The following SOX5 variants were observed in gnomAD, a reference collection of about 807,000 sequenced individuals.
The protein encoded by SOX5 is transcription factor SOX-5.
Under a neutral mutation model 92.0 loss-of-function variants are expected in SOX5, and 9 were observed. The observed-to-expected ratio is 0.10, with a 90% CI of 0.06 to 0.17. The LOEUF is 0.17. Ranked by LOEUF, SOX5 falls within the 10% of genes least tolerant of loss-of-function variation. SOX5 has a pLI of 1.00. For synonymous variants in SOX5, 344 were observed against 336.3 expected, an observed-to-expected ratio of 1.02 and a Z score of -0.25; for missense variants, 642 against 944.5, an observed-to-expected ratio of 0.68 and a Z score of 4.20.
At chr12:23,929,104 T>C in intron 1 of SOX5, among the ~76,000 whole-genome samples, 1 of 151,836 alleles carries the variant, frequency 6.6e-6, no homozygotes, top group East Asian at 1.9e-4. Flanking sequence ...CAAACATATG[T>C]ATAAATTAAA....
chr12:24,292,406 A>T (rs1412691278), intron 2 of SOX5, among the ~76,000 whole-genome samples: 1 of 152,238 alleles, frequency 6.6e-6, no homozygotes, highest in Non-Finnish European at 1.5e-5. Context: ...TTCAATATTT[A>T]AAAAATATCT....
intron 4 of SOX5, among the ~76,000 whole-genome samples, chr12:24,107,107 G>T (rs1237287730): frequency 1.3e-5 from 2 of 152,052 alleles, no homozygotes; most frequent in Non-Finnish European, 2.9e-5. Context: ...GCCTAAATCT[G>T]TTACTACTGG....
chr12:23,851,064 A>G (rs2096628314), intron 2 of SOX5, among the ~76,000 whole-genome samples: 2 of 152,088 alleles, frequency 1.3e-5, no homozygotes, highest in Non-Finnish European at 2.9e-5. Flanking sequence ...GTTATTTTAA[A>G]AAACCAGTTG....
chr12:23,533,607 TCCCTCTTTC>T lies in SOX5; in HGVS notation c.*603_*611del, dbSNP rs1245526314. 2 of 153,840 alleles carry T rather than the reference TCCCTCTTTC, an allele frequency of 1.3e-5. No individual in the cohort carries two copies. Among genetic ancestry groups the T allele is most frequent in the African/African-American group, 4.8e-5 (2 of 41,416 alleles). 9.5% of individuals were successfully genotyped at this position (153,840 alleles called of 1,614,324 possible). On this transcript the variant is annotated 3_prime_UTR_variant, in exon 15 of 15. Coordinates refer to ENST00000451604, the MANE Select transcript of SOX5 (RefSeq NM_006940.6). ...AAGGAAGTTAAAAACAGGCTCTTTT[TCCCTCTTTC>T]CCCTCATGCACAGACTTCCATCTTT... is the stretch of plus-strand genomic sequence containing the variant.
At chr12:24,284,421 GT>G (rs139338983) in intron 2 of SOX5, among the ~76,000 whole-genome samples, 2,681 of 123,858 alleles carry the variant, frequency 0.022, 75 homozygotes, top group African/African-American at 0.07. Context: ...GGAGGCACAC[GT>G]TTTTTTTCTT....
At chr12:23,964,231 T>C (rs976664092) in intron 4 of SOX5, among the ~76,000 whole-genome samples, 2 of 152,306 alleles carry the variant, frequency 1.3e-5, no homozygotes, top group Admixed American at 1.3e-4. Flanking sequence ...ATTTATAATA[T>C]GTTCCATAAA....
intron 4 of SOX5, among the ~76,000 whole-genome samples, chr12:24,010,303 T>C (rs1952767224): frequency 6.6e-6 from 1 of 152,154 alleles, no homozygotes; most frequent in Non-Finnish European, 1.5e-5. Flanking sequence ...CCAAGGTGCA[T>C]CTCTAGGATT....
intron 5 of SOX5, among the ~76,000 whole-genome samples, chr12:23,735,564 G>A (rs1369477623): frequency 6.6e-6 from 1 of 151,980 alleles, no homozygotes; most frequent in East Asian, 1.9e-4. Flanking sequence ...TTTAGACTTT[G>A]TTCTTTTCCT....
intron 2 of SOX5, among the ~76,000 whole-genome samples, chr12:24,316,192 C>T (rs993561505): frequency 6.6e-6 from 1 of 152,100 alleles, no homozygotes; most frequent in Non-Finnish European, 1.5e-5. Context: ...TTTCAAGTGG[C>T]TGGTTTAATC....
intron 3 of SOX5, among the ~76,000 whole-genome samples, chr12:24,216,620 G>T (rs1314518131): frequency 2.6e-5 from 4 of 152,032 alleles, no homozygotes; most frequent in Non-Finnish European, 5.9e-5. Context: ...TAAATACCTT[G>T]AATAAAAACT....
chr12:24,100,909 G>T (rs532920432), intron 4 of SOX5, among the ~76,000 whole-genome samples: 3 of 152,202 alleles, frequency 2.0e-5, no homozygotes, highest in Admixed American at 1.3e-4. Flanking sequence ...AGCAAGTCAT[G>T]TCGGTTTTAC....
intron 4 of SOX5, among the ~76,000 whole-genome samples, chr12:23,976,390 TAAAAAAACAAAAAAACAAAA>T (rs1391564180): frequency 2.7e-5 from 3 of 111,576 alleles, no homozygotes; most frequent in Non-Finnish European, 5.1e-5. Flanking sequence ...TGAACACTAT[TAAAAAAACAAAAAAACAAAA>T]AAAAAAAAAA....
intron 1 of SOX5, among the ~76,000 whole-genome samples, chr12:24,549,914 C>A (rs1358253253): frequency 2.0e-5 from 3 of 152,022 alleles, no homozygotes; most frequent in Non-Finnish European, 4.4e-5. Context: ...GGGGAACTTG[C>A]AATGATTCAG....
chr12:23,735,331 G>A (rs547881210), intron 5 of SOX5, among the ~76,000 whole-genome samples: 2 of 152,072 alleles, frequency 1.3e-5, no homozygotes, highest in African/African-American at 2.4e-5. Context: ...CCAATCACAT[G>A]CATTATTTTA....
chr12:23,915,314 G>A (rs1471599092), intron 1 of SOX5, among the ~76,000 whole-genome samples: 2 of 151,970 alleles, frequency 1.3e-5, no homozygotes, highest in African/African-American at 2.4e-5. Flanking sequence ...TTAAGGTTAG[G>A]ATACGACACA....
intron 6 of SOX5, among the ~76,000 whole-genome samples, chr12:23,666,240 TTGCC>T (rs773282331): frequency 6.6e-6 from 1 of 152,156 alleles, no homozygotes; most frequent in Non-Finnish European, 1.5e-5. Flanking sequence ...TACAACATTT[TTGCC>T]TGCATCTATC....
intron 2 of SOX5, among the ~76,000 whole-genome samples, chr12:24,345,792 C>T (rs966124761): frequency 6.6e-6 from 1 of 152,174 alleles, no homozygotes; most frequent in African/African-American, 2.4e-5. Context: ...AACTGTGAAG[C>T]TTATCCGTAC....
chr12:23,614,738 T>C (rs1724869480), intron 8 of SOX5, among the ~76,000 whole-genome samples: 1 of 152,240 alleles, frequency 6.6e-6, no homozygotes, highest in Non-Finnish European at 1.5e-5. Flanking sequence ...TGTCAGACTT[T>C]TCTGAAGTGG....
At chr12:23,589,009 T>C (rs1951145622) in intron 9 of SOX5, among the ~76,000 whole-genome samples, 1 of 151,928 alleles carries the variant, frequency 6.6e-6, no homozygotes, top group Non-Finnish European at 1.5e-5. Context: ...GCCTATACTA[T>C]CTAGGTTTGT....
Sources: gnomAD v4.1 joint callset for allele counts (sites outside exome capture counted in the v4.1 genomes callset) on GRCh38, gnomAD v4.1.1 for gene constraint, MANE v1.5 for transcripts, NCBI Gene and HGNC (gene_info 2026-07-23, HGNC 2026-07-21) for gene names.